The following PALM2AKAP2 variants were observed in gnomAD, a reference collection of about 807,000 sequenced individuals.
PALM2AKAP2 encodes the protein PALM2 and AKAP2 fusion.
PALM2AKAP2 carries 37 observed loss-of-function variants against 71.5 expected under a neutral mutation model. The ratio of observed to expected loss-of-function variants is 0.52; its 90% CI spans 0.40 to 0.68. PALM2AKAP2 has a LOEUF of 0.68. Ranked by LOEUF, PALM2AKAP2 falls within the 30% of genes least tolerant of loss-of-function variation. PALM2AKAP2 has a pLI of 0.00. For synonymous variants in PALM2AKAP2, 468 were observed against 478.8 expected, an observed-to-expected ratio of 0.98 and a Z score of 0.29; for missense variants, 1,224 against 1,191.8, an observed-to-expected ratio of 1.03 and a Z score of -0.40.
chr9:109,670,225 G>A (rs112069157), intron 1 of PALM2AKAP2, among the ~76,000 whole-genome samples: 3,334 of 152,130 alleles, frequency 0.022, 96 homozygotes, highest in Admixed American at 0.088. Context: ...CAGGTATTAT[G>A]TCTAGTACCC....
chr9:109,767,343 C>G (rs1352532959), intron 1 of PALM2AKAP2, among the ~76,000 whole-genome samples: 1 of 152,198 alleles, frequency 6.6e-6, no homozygotes, highest in Admixed American at 6.5e-5. Flanking sequence ...AATACCACTT[C>G]CTTGGAGTCC....
At chr9:110,060,830 G>A (rs2118478648) in intron 1 of PALM2AKAP2, among the ~76,000 whole-genome samples, 1 of 152,096 alleles carries the variant, frequency 6.6e-6, no homozygotes, top group Middle Eastern at 3.4e-3. Context: ...TCCATCTACT[G>A]ACCTTGTGAT....
At chr9:109,966,134 C>T (rs1831943504) in intron 6 of PALM2AKAP2, among the ~76,000 whole-genome samples, 1 of 152,140 alleles carries the variant, frequency 6.6e-6, no homozygotes, top group South Asian at 2.1e-4. Flanking sequence ...GGCACTAAAA[C>T]TATCTGGGCA....
chr9:109,875,079 T>C (rs1214832258), intron 2 of PALM2AKAP2, among the ~76,000 whole-genome samples: 4 of 152,198 alleles, frequency 2.6e-5, no homozygotes, highest in Non-Finnish European at 5.9e-5. Flanking sequence ...GCCCCTGCCT[T>C]CTTCTCCATC....
chr9:109,650,042 T>C (rs1478548733), intron 1 of PALM2AKAP2, among the ~76,000 whole-genome samples: 1 of 152,232 alleles, frequency 6.6e-6, no homozygotes, highest in African/African-American at 2.4e-5. Context: ...CCTACATCTC[T>C]TGCCTTGAGA....
At chr9:109,856,237 G>C (rs1829161008) in intron 1 of PALM2AKAP2, among the ~76,000 whole-genome samples, 1 of 152,212 alleles carries the variant, frequency 6.6e-6, no homozygotes, top group Admixed American at 6.5e-5. Flanking sequence ...GATGAACATA[G>C]AGGAAGATTC....
intron 1 of PALM2AKAP2, among the ~76,000 whole-genome samples, chr9:109,861,781 G>A (rs1283060741): frequency 6.6e-6 from 1 of 152,108 alleles, no homozygotes; most frequent in Non-Finnish European, 1.5e-5. Flanking sequence ...ATTTCATGTG[G>A]GTTAATGTCT....
intron 1 of PALM2AKAP2, among the ~76,000 whole-genome samples, chr9:109,657,273 A>G (rs1177127970): frequency 2.6e-5 from 4 of 152,258 alleles, no homozygotes; most frequent in Non-Finnish European, 4.4e-5. Flanking sequence ...CACCAGCCTG[A>G]TGGCCTTTCA....
chr9:109,908,985 A>G (rs1184726171), intron 3 of PALM2AKAP2, among the ~76,000 whole-genome samples: 1 of 152,266 alleles, frequency 6.6e-6, no homozygotes, highest in Admixed American at 6.5e-5. Context: ...TGCTTCCTGC[A>G]TGAAGGGGTG....
At chr9:110,073,320 C>G (rs1834248343) in intron 1 of PALM2AKAP2, among the ~76,000 whole-genome samples, 1 of 152,200 alleles carries the variant, frequency 6.6e-6, no homozygotes, top group African/African-American at 2.4e-5. Context: ...AGGTTGTTCT[C>G]TCCTGGGAGT....
At chr9:109,884,322 T>A (rs1337038084) in intron 3 of PALM2AKAP2, among the ~76,000 whole-genome samples, 1 of 151,660 alleles carries the variant, frequency 6.6e-6, no homozygotes, top group Non-Finnish European at 1.5e-5. Context: ...ATTAGATGAG[T>A]GTGGTGATGG....
intron 5 of PALM2AKAP2, among the ~76,000 whole-genome samples, chr9:109,930,565 G>A (rs1831073531): frequency 6.6e-6 from 1 of 152,200 alleles, no homozygotes; most frequent in Admixed American, 6.5e-5. Context: ...CTTTGCCTAT[G>A]AACATAATGG....
At chr9:109,862,852 A>G (rs766875172) in intron 1 of PALM2AKAP2, 2 of 500,576 alleles carry the variant, frequency 4.0e-6, no homozygotes, top group Non-Finnish European at 8.0e-6. Context: ...TTATTGTTAG[A>G]GGAAGCAATA....
chr9:109,830,665 A>G (rs1193788405), intron 1 of PALM2AKAP2, among the ~76,000 whole-genome samples: 1 of 152,240 alleles, frequency 6.6e-6, no homozygotes, highest in Non-Finnish European at 1.5e-5. Flanking sequence ...CTGGCTTGGG[A>G]TAACAGAATG....
At chr9:109,657,260 A>G (rs1481416299) in intron 1 of PALM2AKAP2, among the ~76,000 whole-genome samples, 3 of 152,250 alleles carry the variant, frequency 2.0e-5, no homozygotes, top group African/African-American at 4.8e-5. Context: ...TTGCTTCTTC[A>G]GGCACCAGCC....
intron 4 of PALM2AKAP2, 52 bp from the exon 5 acceptor site, chr9:109,925,009 G>T: frequency 6.2e-7 from 1 of 1,613,200 alleles, no homozygotes; most frequent in Non-Finnish European, 8.5e-7. Context: ...GAAAAGATGG[G>T]ATTGTACCCC....
rs1830819645 is a variant in PALM2AKAP2, at chr9:109,921,108, C to G, written c.258-2627C>G. On this transcript the variant is annotated intron_variant, in intron 3 of 9. Transcript: ENST00000302798. ...CCCTCTCCATAAATTCTCTTTGCGT[C>G]TCGCCCACACACAGCCTCTCAAGTT... 2.0e-5 allele frequency among the ~76,000 whole-genome samples: 3 copies of G among 152,232 alleles called. No individual in the cohort carries two copies. In the South Asian group the frequency reaches 6.2e-4, roughly 31 times the overall value.
intron 6 of PALM2AKAP2, among the ~76,000 whole-genome samples, chr9:110,011,298 C>T (rs960670410): frequency 6.6e-6 from 1 of 150,868 alleles, no homozygotes; most frequent in African/African-American, 2.4e-5. Flanking sequence ...GGTTCTTCCC[C>T]TACAACCAGA....
chr9:109,924,597 C>T (rs1830910136), intron 4 of PALM2AKAP2, among the ~76,000 whole-genome samples: 1 of 151,984 alleles, frequency 6.6e-6, no homozygotes, highest in Non-Finnish European at 1.5e-5. Flanking sequence ...AAGACTGCGT[C>T]TCAAAAAAAC....
Sources: gnomAD v4.1 joint callset for allele counts (sites outside exome capture counted in the v4.1 genomes callset) on GRCh38, gnomAD v4.1.1 for gene constraint, MANE v1.5 for transcripts, NCBI Gene and HGNC (gene_info 2026-07-23, HGNC 2026-07-21) for gene names.